CHP1: variants seen among roughly 807,000 people sequenced by gnomAD.
The protein encoded by CHP1 is calcineurin B homologous protein 1.
CHP1 carries 11 observed loss-of-function variants against 27.4 expected under a neutral mutation model. The ratio of observed to expected loss-of-function variants is 0.40; its 90% CI spans 0.25 to 0.67. The LOEUF (loss-of-function observed/expected upper bound fraction) is 0.67, where lower values mean the gene tolerates loss of function less well. CHP1 is among the 30% of genes least tolerant of loss of function. The pLI, the probability that CHP1 is intolerant of heterozygous loss-of-function variation, is 0.38. For synonymous variants in CHP1, 89 were observed against 87.4 expected, an observed-to-expected ratio of 1.02 and a Z score of -0.10; for missense variants, 169 against 251.3, an observed-to-expected ratio of 0.67 and a Z score of 2.22.
Position 41,280,743 on chromosome 15 carries a change from C to T in CHP1, c.*1354C>T, listed in dbSNP as rs1383822599. 3 of 151,482 alleles carry T rather than the reference C, an allele frequency of 2.0e-5. No individual in the cohort carries two copies. Among genetic ancestry groups the T allele is most frequent in the African/African-American group, 7.3e-5 (3 of 41,140 alleles). 9.4% of individuals were successfully genotyped at this position (151,482 alleles called of 1,614,324 possible). ...GGCCAGGCTGGTCTCGAACTCCTGA[C>T]CTCGTGATCCGCCTGCCTCAGCCTC... On this transcript the variant is annotated 3_prime_UTR_variant, in exon 7 of 7. Coordinates refer to ENST00000334660, the MANE Select transcript of CHP1 (RefSeq NM_007236.5).
intron 3 of CHP1, among the ~76,000 whole-genome samples, 168 bp from the exon 4 acceptor site, chr15:41,262,588 C>G (rs2047438928): frequency 6.6e-6 from 1 of 152,136 alleles, no homozygotes; most frequent in Non-Finnish European, 1.5e-5. Flanking sequence ...TGGGGTGAGG[C>G]TTAAATGATA....
At chr15:41,263,424 G>A (rs575069104) in intron 4 of CHP1, among the ~76,000 whole-genome samples, 5 of 152,168 alleles carry the variant, frequency 3.3e-5, no homozygotes, top group African/African-American at 4.8e-5. Flanking sequence ...TTTTATACCC[G>A]TGTCTCATGC....
intron 3 of CHP1, among the ~76,000 whole-genome samples, chr15:41,257,501 A>T (rs937522111): frequency 6.6e-6 from 1 of 151,362 alleles, no homozygotes; most frequent in African/African-American, 2.4e-5. Flanking sequence ...TTTATTTAAT[A>T]TATTTAAAAT....
intron 2 of CHP1, among the ~76,000 whole-genome samples, chr15:41,245,991 G>C (rs2047332571): frequency 6.6e-6 from 1 of 152,170 alleles, no homozygotes; most frequent in Admixed American, 6.5e-5. Flanking sequence ...TATGGTGTCA[G>C]AGAAGAGTCC....
chr15:41,255,089 C>A (rs2047391755), intron 2 of CHP1, among the ~76,000 whole-genome samples: 1 of 152,102 alleles, frequency 6.6e-6, no homozygotes, highest in South Asian at 2.1e-4. Flanking sequence ...AAGAAAGTTG[C>A]ATTTTGAAAC....
intron 2 of CHP1, among the ~76,000 whole-genome samples, chr15:41,249,824 T>G (rs2047356018): frequency 6.6e-6 from 1 of 150,952 alleles, no homozygotes; most frequent in East Asian, 1.9e-4. Flanking sequence ...GATTTTCACT[T>G]CAACAATTTT....
At chr15:41,277,791 GA>G (rs559045538) in intron 5 of CHP1, among the ~76,000 whole-genome samples, 200 of 117,894 alleles carry the variant, frequency 1.7e-3, no homozygotes, top group East Asian at 3.9e-3. Flanking sequence ...TCCGCCTCAG[GA>G]AAAAAAAAAA....
intron 4 of CHP1, among the ~76,000 whole-genome samples, chr15:41,265,427 A>C (rs967187952): frequency 7.4e-6 from 1 of 135,638 alleles, no homozygotes; most frequent in African/African-American, 2.8e-5. Context: ...CTGGGTTTAC[A>C]GGCCAGGCAT....
At chr15:41,262,677 C>A in intron 3 of CHP1, 79 bp from the exon 4 acceptor site, 1 of 1,558,894 alleles carries the variant, frequency 6.4e-7, no homozygotes, top group Non-Finnish European at 8.8e-7. Flanking sequence ...GTAGCTAAAG[C>A]TGTTGCCAGT....
At chr15:41,268,187 A>T (rs946858605) in intron 4 of CHP1, among the ~76,000 whole-genome samples, 1 of 152,256 alleles carries the variant, frequency 6.6e-6, no homozygotes, top group African/African-American at 2.4e-5. Context: ...GGAAGTGAAT[A>T]CATGAGATGA....
chr15:41,278,366 C>T (rs2047529982), intron 5 of CHP1, among the ~76,000 whole-genome samples: 3 of 148,596 alleles, frequency 2.0e-5, no homozygotes, highest in Admixed American at 2.0e-4. Context: ...AAAAATTTAA[C>T]TTTTAGGTTC....
Position 41,279,414 on chromosome 15 carries a change from T to C in CHP1, c.*25T>C, listed in dbSNP as rs1437762422. Reference sequence around the variant, plus strand: ...AAGGAGACCAAACTGTTCCTTGCGGTCTAGTATTTAAGAACTGGAACTTGA... The same window carrying C: ...AAGGAGACCAAACTGTTCCTTGCGGCCTAGTATTTAAGAACTGGAACTTGA... On this transcript the variant is annotated 3_prime_UTR_variant, in exon 7 of 7. Transcript: ENST00000334660. The C allele has an allele frequency of 8.1e-6, 13 of 1,604,644 alleles. No individual in the cohort carries two copies. The highest frequency in any genetic ancestry group is 1.3e-5 in the African/African-American group (1 of 74,670).
intron 5 of CHP1, among the ~76,000 whole-genome samples, chr15:41,275,318 C>T (rs770584881): frequency 1.3e-5 from 2 of 151,900 alleles, no homozygotes; most frequent in Non-Finnish European, 2.9e-5. Flanking sequence ...CCATGCCTAG[C>T]TAATTTTTGT....
intron 4 of CHP1, among the ~76,000 whole-genome samples, chr15:41,266,373 T>C (rs1595480534): frequency 6.7e-6 from 1 of 148,700 alleles, no homozygotes; most frequent in Admixed American, 6.7e-5. Context: ...AAAAAAAAAG[T>C]GAAAGGTATA....
At chr15:41,274,873 C>T (rs992950611) in intron 5 of CHP1, among the ~76,000 whole-genome samples, 2 of 150,934 alleles carry the variant, frequency 1.3e-5, no homozygotes, top group Non-Finnish European at 2.9e-5. Flanking sequence ...TCACTGCGAC[C>T]TCCACCTCCC....
At chr15:41,235,163 G>C (rs962145293) in intron 1 of CHP1, among the ~76,000 whole-genome samples, 1 of 152,144 alleles carries the variant, frequency 6.6e-6, no homozygotes, top group African/African-American at 2.4e-5. Context: ...TGTCTTAGGA[G>C]TTTCTGTAAT....
chr15:41,250,944 C>G (rs2047363664), intron 2 of CHP1, among the ~76,000 whole-genome samples: 1 of 151,886 alleles, frequency 6.6e-6, no homozygotes, highest in Non-Finnish European at 1.5e-5. Flanking sequence ...AAGTGATTCT[C>G]CTGCCTCAGC....
chr15:41,269,524 C>G (rs1403867403), intron 4 of CHP1, among the ~76,000 whole-genome samples: 1 of 152,144 alleles, frequency 6.6e-6, no homozygotes, highest in African/African-American at 2.4e-5. Context: ...AATGTTACCT[C>G]TCCTTGATAT....
At chr15:41,239,490 A>G (rs1296425740) in intron 1 of CHP1, among the ~76,000 whole-genome samples, 3 of 151,340 alleles carry the variant, frequency 2.0e-5, no homozygotes, top group Admixed American at 6.6e-5. Context: ...TGCAACCTCC[A>G]TCTCCCAGGA....
Sources: gnomAD v4.1 joint callset for allele counts (sites outside exome capture counted in the v4.1 genomes callset) on GRCh38, gnomAD v4.1.1 for gene constraint, MANE v1.5 for transcripts, NCBI Gene and HGNC (gene_info 2026-07-23, HGNC 2026-07-21) for gene names.